The following DNAH6 variants were observed in gnomAD, a reference collection of about 807,000 sequenced individuals.
The protein encoded by DNAH6 is axonemal beta dynein heavy chain 6.
Under a neutral mutation model 491.4 loss-of-function variants are expected in DNAH6, and 340 were observed. The observed-to-expected ratio is 0.69, with a 90% confidence interval of 0.63 to 0.76. The LOEUF (loss-of-function observed/expected upper bound fraction) is 0.76. DNAH6 is among the 30% of genes least tolerant of loss of function. The pLI is 0.00. For synonymous variants in DNAH6, 1,603 were observed against 1,686.1 expected (o/e 0.95, Z 1.21); for missense variants, 4,443 against 4,972.2 (o/e 0.89, Z 3.20).
chr2:84,507,301 C>T, the DNAH6 span, among the ~76,000 whole-genome samples: 4 of 152,094 alleles, frequency 2.6e-5, no homozygotes, highest in South Asian at 2.1e-4. Context: ...AAGTTGGATT[C>T]CTAGGTATTT....
At chr2:84,662,493 C>G (rs1037011690) in intron 37 of DNAH6, among the ~76,000 whole-genome samples, 2 of 152,210 alleles carry the variant, frequency 1.3e-5, no homozygotes, top group Non-Finnish European at 2.9e-5. Flanking sequence ...GCCCACAGAT[C>G]CTCACTCACT....
In DNAH6 at chr2:84,741,060, C is replaced by T. The variant is rs529189516; in HGVS notation, c.10343-4020C>T. Among the ~76,000 whole-genome samples the T allele has an allele frequency of 1.2e-3, 181 of 152,322 alleles. 6 individuals carry two copies. The South Asian group carries it at 0.032, about 27-fold the overall frequency. Reference sequence around the variant, plus strand: ...TAGAGAGTGGGGAGCCCCTCTCAGGCGAGCAGCATGGACGAGAAGCTGTGA... The same window carrying T: ...TAGAGAGTGGGGAGCCCCTCTCAGGTGAGCAGCATGGACGAGAAGCTGTGA... On this transcript the variant is annotated intron_variant, in intron 62 of 76. Coordinates refer to ENST00000389394, the MANE Select transcript of DNAH6 (RefSeq NM_001370.2).
the DNAH6 span, among the ~76,000 whole-genome samples, chr2:84,464,413 A>G: frequency 3.3e-5 from 5 of 152,170 alleles, no homozygotes; most frequent in African/African-American, 4.8e-5. Flanking sequence ...GACTTGTTAC[A>G]AGACAGTGGT....
the DNAH6 span, among the ~76,000 whole-genome samples, chr2:84,495,755 G>A: frequency 1.3e-5 from 2 of 152,134 alleles, no homozygotes; most frequent in African/African-American, 2.4e-5. Context: ...AACAGAATAC[G>A]ATATCACAAA....
At chr2:84,705,288 G>A (rs953417844) in intron 51 of DNAH6, among the ~76,000 whole-genome samples, 198 bp from the exon 52 acceptor site, 2 of 152,158 alleles carry the variant, frequency 1.3e-5, no homozygotes, top group Non-Finnish European at 2.9e-5. Flanking sequence ...TGGGTCGCAT[G>A]GAAACTTAGT....
chr2:84,564,500 G>A (rs1680976521), intron 11 of DNAH6, among the ~76,000 whole-genome samples: 1 of 152,112 alleles, frequency 6.6e-6, no homozygotes, highest in Admixed American at 6.5e-5. Context: ...GACCATTTAA[G>A]GTGTATAGAA....
chr2:84,606,368 C>T (rs745816270), intron 20 of DNAH6, among the ~76,000 whole-genome samples: 1 of 152,116 alleles, frequency 6.6e-6, no homozygotes, highest in Non-Finnish European at 1.5e-5. Flanking sequence ...GAGGGTTCTA[C>T]TCTCAAAAAG....
In DNAH6 at chr2:84,640,497, A is replaced by G; in HGVS notation, c.4889A>G (p.Lys1630Arg). Residue 1630 changes from lysine to arginine, a missense_variant, in exon 32 of 77, where the codon AAG (lysine) becomes AGG (arginine). Physicochemically the swap from Lys to Arg is conservative, Grantham distance 26. This residue lies in a region of DNAH6 where 2,977 missense variants were observed against 3,296.6 expected (regional missense o/e 0.90). Transcript: ENST00000389394. Reference sequence around the variant, plus strand: ...GCAAGAAAAATGACTCAGATGTATAAGCTTTGCAGTGAGCAGCTGTCTCAG... The same window carrying G: ...GCAAGAAAAATGACTCAGATGTATAGGCTTTGCAGTGAGCAGCTGTCTCAG... ...ILARKMTQMY[K>R]LCSEQLSQQD... 1 of 1,550,890 alleles carries G rather than the reference A, an allele frequency of 6.4e-7. No individual in the cohort carries two copies. Among genetic ancestry groups the G allele is most frequent in the Non-Finnish European group, 8.7e-7 (1 of 1,146,324 alleles).
At chr2:84,559,397 C>A (rs1680416589) in intron 11 of DNAH6, among the ~76,000 whole-genome samples, 1 of 152,056 alleles carries the variant, frequency 6.6e-6, no homozygotes, top group African/African-American at 2.4e-5. Context: ...AATGAAGCAA[C>A]TACTGAAAAT....
Position 84,672,408 on chromosome 2 carries a change from C to T in DNAH6, c.6536C>T (p.Pro2179Leu), listed in dbSNP as rs900972424. Reference sequence around the variant, plus strand: ...CTGGATCGCTATGGCTCTCAGCCTCCGATTGAATTACTTCGGCAGTATCAA... The same window carrying T: ...CTGGATCGCTATGGCTCTCAGCCTCTGATTGAATTACTTCGGCAGTATCAA... ...PRLDRYGSQP[P>L]IELLRQYQDF... Residue 2179 changes from proline to leucine, a missense_variant, in exon 40 of 77, where the codon CCG (proline) becomes CTG (leucine). Pro to Leu is a moderately conservative substitution (Grantham distance 98). Coordinates refer to ENST00000389394, the MANE Select transcript of DNAH6 (RefSeq NM_001370.2). The T allele has an allele frequency of 1.2e-5, 18 of 1,551,370 alleles. No individual in the cohort carries two copies. The highest frequency in any genetic ancestry group is 5.5e-5 in the African/African-American group (4 of 73,004).
intron 29 of DNAH6, among the ~76,000 whole-genome samples, chr2:84,629,344 G>A (rs1020908849): frequency 1.3e-5 from 2 of 152,100 alleles, no homozygotes; most frequent in African/African-American, 4.8e-5. Flanking sequence ...TGCTTCTTCC[G>A]TGATTGTGGT....
At chr2:84,768,170 A>T (rs570588852) in intron 64 of DNAH6, among the ~76,000 whole-genome samples, 2 of 152,180 alleles carry the variant, frequency 1.3e-5, no homozygotes, top group Admixed American at 6.5e-5. Context: ...ATAGGCTTAA[A>T]TATATATGTT....
intron 22 of DNAH6, among the ~76,000 whole-genome samples, chr2:84,613,612 G>A (rs2104353747): frequency 6.6e-6 from 1 of 152,176 alleles, no homozygotes; most frequent in South Asian, 2.1e-4. Flanking sequence ...CACAATTTTG[G>A]CATTTAAAGA....
intron 32 of DNAH6, 112 bp from the exon 33 acceptor site, chr2:84,641,835 T>C: frequency 1.3e-6 from 1 of 791,696 alleles, no homozygotes; most frequent in Non-Finnish European, 2.0e-6. Context: ...AATGATCTTC[T>C]CCTTCTAACA....
the DNAH6 span, among the ~76,000 whole-genome samples, chr2:84,476,961 C>T: frequency 4.6e-5 from 7 of 152,206 alleles, no homozygotes; most frequent in East Asian, 7.7e-4. Flanking sequence ...CCTTTGACGG[C>T]GCATCCTCCA....
At chr2:84,744,074 T>C (rs1672750146) in intron 62 of DNAH6, among the ~76,000 whole-genome samples, 1 of 152,180 alleles carries the variant, frequency 6.6e-6, no homozygotes, top group South Asian at 2.1e-4. Flanking sequence ...CTATATTCCA[T>C]ATATAAATTA....
intron 13 of DNAH6, among the ~76,000 whole-genome samples, chr2:84,579,048 A>G (rs1682754787): frequency 6.6e-6 from 1 of 152,168 alleles, no homozygotes. Context: ...TTTCCTTTAT[A>G]AATTACCCAG....
intron 70 of DNAH6, among the ~76,000 whole-genome samples, chr2:84,802,479 A>T (rs900877494): frequency 6.6e-6 from 1 of 152,236 alleles, no homozygotes; most frequent in African/African-American, 2.4e-5. Context: ...TATAATGATA[A>T]AGAATTCAAT....
chr2:84,587,979 A>G (rs1356181756), intron 15 of DNAH6, among the ~76,000 whole-genome samples: 2 of 152,194 alleles, frequency 1.3e-5, no homozygotes, highest in African/African-American at 4.8e-5. Flanking sequence ...AATTTCTTCC[A>G]TAGCCTACAA....
Sources: gnomAD v4.1 joint callset for allele counts (sites outside exome capture counted in the v4.1 genomes callset) on GRCh38, gnomAD v4.1.1 for gene constraint, gnomAD v4.1.1 regional missense constraint, MANE v1.5 for transcripts, NCBI Gene and HGNC (gene_info 2026-07-23, HGNC 2026-07-21) for gene names.